COL4A2: variants seen among roughly 807,000 people sequenced by gnomAD.
COL4A2 encodes the protein collagen alpha-2(IV) chain.
Under a neutral mutation model 200.2 loss-of-function variants are expected in COL4A2, and 99 were observed. The ratio of observed to expected loss-of-function variants is 0.49; its 90% CI spans 0.42 to 0.58. The LOEUF (loss-of-function observed/expected upper bound fraction) is 0.58, where lower values mean the gene tolerates loss of function less well. COL4A2 is among the 20% of genes least tolerant of loss of function. The pLI is 0.00. For synonymous variants in COL4A2, 897 were observed against 900.6 expected, an observed-to-expected ratio of 1.00 and a Z score of 0.07; for missense variants, 1,950 against 2,314.1, an observed-to-expected ratio of 0.84 and a Z score of 3.23.
chr13:110,428,140 T>G (rs1227933930), intron 6 of COL4A2, among the ~76,000 whole-genome samples: 2 of 152,074 alleles, frequency 1.3e-5, no homozygotes, highest in African/African-American at 4.8e-5. Flanking sequence ...AAATCTTTCC[T>G]AGAATTTTTG....
In COL4A2 at chr13:110,458,841, C is replaced by T. The variant is rs775296301; in HGVS notation, c.1503C>T (p.Pro501=). 6.2e-6 allele frequency: 10 copies of T among 1,613,614 alleles called. No homozygotes were observed. In the South Asian group the frequency reaches 1.1e-4, roughly 18 times the overall value. ...AAGGTCTTCCGGGACTGCCAGGACC[C>T]AAGGGCTTCGCAGGCATCAACGGGG... is the stretch of plus-strand genomic sequence containing the variant. ...AIKGLPGLPG[P]KGFAGINGEP... The change falls in exon 22 of 48, where the codon CCC becomes CCT. Residue 501 remains proline (P), a synonymous_variant. Transcript: ENST00000360467.
chr13:110,446,430 C>T (rs1419099328), intron 17 of COL4A2, among the ~76,000 whole-genome samples: 4 of 152,162 alleles, frequency 2.6e-5, no homozygotes, highest in African/African-American at 7.2e-5. Flanking sequence ...TGGCGCTCCA[C>T]GGGGGTCCTG....
chr13:110,465,491 A>C lies in COL4A2; in HGVS notation c.1863A>C (p.Pro621=), dbSNP rs1416886809. 1 of 1,614,034 alleles carries C rather than the reference A, an allele frequency of 6.2e-7. No individual in the cohort carries two copies. Among genetic ancestry groups the C allele is most frequent in the Non-Finnish European group, 8.5e-7 (1 of 1,180,006 alleles). ...TKGTPGEMGP[P]GLGLPGLKGQ... Reference sequence around the variant, plus strand: ...GTACTCCAGGAGAAATGGGCCCCCCAGGACTGGGCCTTCCCGGCCTCAAAG... The same window carrying C: ...GTACTCCAGGAGAAATGGGCCCCCCCGGACTGGGCCTTCCCGGCCTCAAAG... Residue 621 remains proline (P), a synonymous_variant, in exon 25 of 48, where the codon CCA becomes CCC. Coordinates refer to ENST00000360467, the MANE Select transcript of COL4A2 (RefSeq NM_001846.4).
chr13:110,374,941 T>C (rs1878174074), intron 4 of COL4A2, among the ~76,000 whole-genome samples: 1 of 151,620 alleles, frequency 6.6e-6, no homozygotes. Context: ...ATCTGCCAAT[T>C]AATCTCCTTA....
chr13:110,406,654 T>A (rs1025708102), intron 4 of COL4A2, among the ~76,000 whole-genome samples: 1 of 152,154 alleles, frequency 6.6e-6, no homozygotes, highest in Non-Finnish European at 1.5e-5. Flanking sequence ...CTTGGTAATT[T>A]ATACATTAGC....
chr13:110,359,579 T>G (rs1258845050), intron 4 of COL4A2, among the ~76,000 whole-genome samples: 3 of 152,050 alleles, frequency 2.0e-5, no homozygotes, highest in Non-Finnish European at 4.4e-5. Flanking sequence ...TCCAAATGAG[T>G]TTCCCCAAGT....
intron 4 of COL4A2, among the ~76,000 whole-genome samples, chr13:110,390,753 GGCCTGAGAAGCGACAGGGCA>G (rs6145240): frequency 0.44 from 67,417 of 151,944 alleles, 15,555 homozygotes; most frequent in African/African-American, 0.57. Context: ...GCTGTGTACA[GGCCTGAGAAGCGACAGGGCA>G]GCCTGCGGTT....
intron 4 of COL4A2, among the ~76,000 whole-genome samples, chr13:110,375,553 G>A (rs1006478803): frequency 2.6e-5 from 4 of 152,136 alleles, no homozygotes; most frequent in Non-Finnish European, 5.9e-5. Context: ...TGACAGAGCC[G>A]GTGCAGTGTC....
chr13:110,510,338 G>A (rs1029242142), intron 47 of COL4A2, among the ~76,000 whole-genome samples: 7 of 152,206 alleles, frequency 4.6e-5, no homozygotes, highest in Non-Finnish European at 7.3e-5. Flanking sequence ...CCCTCCCCTC[G>A]GTGGCCTCTC....
rs1424828894 is a variant in COL4A2 at position 110,481,399 on chromosome 13, GTTCTGTCC to G, written c.2758+1010_2758+1017del. Among the ~76,000 whole-genome samples, 23 of 23,456 alleles carry G rather than the reference GTTCTGTCC, an allele frequency of 9.8e-4. 5 individuals carry two copies. Among genetic ancestry groups the G allele is most frequent in the South Asian group, 3.0e-3 (1 of 332 alleles). 15.4% of individuals were successfully genotyped at this position (23,456 alleles called of 152,430 possible). On this transcript the variant is annotated intron_variant, in intron 31 of 47. Transcript: ENST00000360467. ...GTCCCTCCGTTGCTGGAGACACACT[GTTCTGTCC>G]CTCCATTGCTGGAGACACACTGTTC... is the stretch of plus-strand genomic sequence containing the variant.
chr13:110,386,831 C>T (rs933723437), intron 4 of COL4A2, among the ~76,000 whole-genome samples: 13 of 152,146 alleles, frequency 8.5e-5, no homozygotes, highest in South Asian at 2.1e-4. Flanking sequence ...TGTGAAAGGA[C>T]GTGCGAAACC....
intron 3 of COL4A2, among the ~76,000 whole-genome samples, chr13:110,324,938 A>G (rs1196074710): frequency 6.6e-6 from 1 of 152,170 alleles, no homozygotes; most frequent in African/African-American, 2.4e-5. Flanking sequence ...GGAATTTCTC[A>G]TTTACAAAGC....
At chr13:110,426,269 T>C (rs1399020518) in intron 6 of COL4A2, among the ~76,000 whole-genome samples, 1 of 152,228 alleles carries the variant, frequency 6.6e-6, no homozygotes, top group Non-Finnish European at 1.5e-5. Context: ...GGAAAGCAAT[T>C]GCAACTCATC....
intron 24 of COL4A2, 28 bp downstream of exon 24, chr13:110,462,412 C>A (rs148511298): frequency 1.2e-6 from 2 of 1,606,612 alleles, no homozygotes; most frequent in Non-Finnish European, 1.7e-6. Flanking sequence ...GCGGCAGCTC[C>A]GTCCTCTCTT....
intron 4 of COL4A2, among the ~76,000 whole-genome samples, chr13:110,370,736 C>T (rs1461812635): frequency 1.3e-5 from 2 of 152,102 alleles, no homozygotes; most frequent in East Asian, 3.8e-4. Context: ...GTTCTTCTGC[C>T]CTTGATTTTC....
chr13:110,504,619 T>C (rs1462273545), intron 45 of COL4A2, among the ~76,000 whole-genome samples: 1 of 152,178 alleles, frequency 6.6e-6, no homozygotes, highest in Non-Finnish European at 1.5e-5. Flanking sequence ...TTTTTTTCTT[T>C]TTTGGACAGA....
intron 4 of COL4A2, among the ~76,000 whole-genome samples, chr13:110,413,363 G>C (rs999927942): frequency 2.0e-5 from 3 of 152,212 alleles, no homozygotes; most frequent in African/African-American, 7.2e-5. Context: ...GGGCCTCGCG[G>C]TCTCACGTGA....
intron 12 of COL4A2, among the ~76,000 whole-genome samples, chr13:110,435,527 G>A (rs966195454): frequency 6.6e-6 from 1 of 152,252 alleles, no homozygotes; most frequent in Non-Finnish European, 1.5e-5. Context: ...ACACTATGGA[G>A]TATCACTTTC....
intron 47 of COL4A2, among the ~76,000 whole-genome samples, chr13:110,511,298 A>C (rs926812276): frequency 1.3e-5 from 2 of 152,070 alleles, no homozygotes; most frequent in Admixed American, 6.5e-5. Context: ...AGAATCAACT[A>C]TTTAACAACC....
Sources: gnomAD v4.1 joint callset for allele counts (sites outside exome capture counted in the v4.1 genomes callset) on GRCh38, gnomAD v4.1.1 for gene constraint, MANE v1.5 for transcripts, NCBI Gene and HGNC (gene_info 2026-07-23, HGNC 2026-07-21) for gene names.